The following PRKD3 variants were observed in gnomAD, a reference collection of about 807,000 sequenced individuals.
PRKD3 encodes the protein protein kinase D3, also known as serine/threonine-protein kinase D3.
A neutral mutation model predicts 99.2 loss-of-function variants in PRKD3; 47 were observed. The ratio of observed to expected loss-of-function variants is 0.47; its 90% CI spans 0.38 to 0.60. The LOEUF (loss-of-function observed/expected upper bound fraction) is 0.60, where lower values mean the gene tolerates loss of function less well. Ranked by LOEUF, PRKD3 falls within the 20% of genes least tolerant of loss-of-function variation. PRKD3 has a pLI of 0.00. For synonymous variants in PRKD3, 392 were observed against 355.4 expected, an observed-to-expected ratio of 1.10 and a Z score of -1.16; for missense variants, 1,019 against 1,088.4, an observed-to-expected ratio of 0.94 and a Z score of 0.90.
intron 2 of PRKD3, 25 bp from the exon 3 acceptor site, chr2:37,293,296 G>T (rs974164834): frequency 2.0e-6 from 3 of 1,523,952 alleles, no homozygotes; most frequent in Non-Finnish European, 2.7e-6. Context: ...TCCTATATCA[G>T]TATGACCACA....
rs535113477 is a variant in PRKD3 at position 37,258,104 on chromosome 2, C to T, written c.2146-1175G>A. Among the ~76,000 whole-genome samples the T allele has an allele frequency of 4.6e-5, 7 of 152,256 alleles. No individual in the cohort carries two copies. The South Asian group carries it at 1.5e-3, about 32-fold the overall frequency. On this transcript the variant is annotated intron_variant, in intron 16 of 18. Coordinates refer to ENST00000234179, the MANE Select transcript of PRKD3 (RefSeq NM_005813.6). Reference sequence around the variant, plus strand: ...TGCCAGGTACTTTCTGGAGGAAATGCTCTGACTTAAAAAATGTCTTTAGCA... The same window carrying T: ...TGCCAGGTACTTTCTGGAGGAAATGTTCTGACTTAAAAAATGTCTTTAGCA...
chr2:37,316,330 T>C lies in PRKD3; in HGVS notation c.195A>G (p.Gln65=), dbSNP rs1671654003. 1.2e-6 allele frequency: 2 copies of C among 1,614,218 alleles called. No homozygotes were observed. Among genetic ancestry groups the C allele is most frequent in the Non-Finnish European group, 1.7e-6 (2 of 1,180,034 alleles). ...GSVHTVSFLL[Q]IGLTRESVTI... is the part of the protein sequence containing the mutation. Reference sequence around the variant, plus strand: ...TAACACTCTCCCGTGTGAGGCCAATTTGCAGTAGAAATGAAACTGTATGCA... The same window carrying C: ...TAACACTCTCCCGTGTGAGGCCAATCTGCAGTAGAAATGAAACTGTATGCA... Residue 65 remains glutamine (Q), a synonymous_variant, in exon 2 of 19, where the codon CAA becomes CAG. Transcript: ENST00000234179.
At chr2:37,320,168 A>T (rs1410108621) in intron 1 of PRKD3, among the ~76,000 whole-genome samples, 1 of 152,210 alleles carries the variant, frequency 6.6e-6, no homozygotes, top group Non-Finnish European at 1.5e-5. Flanking sequence ...AGAAACAAGA[A>T]TTTTAGAGAA....
At chr2:37,284,830 T>C (rs752997800) in intron 6 of PRKD3, among the ~76,000 whole-genome samples, 20 of 152,166 alleles carry the variant, frequency 1.3e-4, no homozygotes, top group Non-Finnish European at 2.2e-4. Context: ...TTAGGGTACA[T>C]GTGCACAACG....
intron 2 of PRKD3, among the ~76,000 whole-genome samples, chr2:37,293,672 T>C (rs570753939): frequency 7.2e-5 from 11 of 152,354 alleles, no homozygotes; most frequent in African/African-American, 2.6e-4. Context: ...CTCAGAATTA[T>C]AAATGCTCAC....
At position 37,287,262 on chromosome 2, in the gene PRKD3, AAAAAAGAAAAAG is replaced by A. The variant is rs1350375679; in HGVS notation, c.718-905_718-894del. ...AAAAAAAAAAAAAAAAAAAAAAAAA[AAAAAAGAAAAAG>A]AAAAAGAAAAAGAAAAATACCTGCC... On this transcript the variant is annotated intron_variant, in intron 5 of 18. Coordinates refer to ENST00000234179, the MANE Select transcript of PRKD3 (RefSeq NM_005813.6). 5.8e-3 allele frequency among the ~76,000 whole-genome samples: 463 copies of A among 80,376 alleles called. 15 individuals carry two copies. The highest frequency in any genetic ancestry group is 0.023 in the African/African-American group (435 of 18,702). 52.7% of individuals were successfully genotyped at this position (80,376 alleles called of 152,430 possible).
chr2:37,324,330 G>C (rs891109273), intron 1 of PRKD3: 8 of 573,504 alleles, frequency 1.4e-5, no homozygotes, highest in Non-Finnish European at 1.8e-5. Flanking sequence ...GCCTCCGATG[G>C]GCCGGGCGCG....
intron 2 of PRKD3, among the ~76,000 whole-genome samples, chr2:37,308,585 G>A (rs1671272606): frequency 7.1e-6 from 1 of 141,396 alleles, no homozygotes; most frequent in Non-Finnish European, 1.5e-5. Flanking sequence ...CTCCCGAGTA[G>A]TTGGGATTAT....
chr2:37,316,668 T>G lies in PRKD3; in HGVS notation c.-144A>C, dbSNP rs1671677001. On this transcript the variant is annotated 5_prime_UTR_variant, in exon 2 of 19. It removes an upstream start codon present in the reference 5' UTR. Transcript: ENST00000234179. The stretch of plus-strand genomic sequence containing the variant: ...TTTATTTCCTCTGTTAAGCCACTCA[T>G]GCCGATACTTTTAAGTTTTATCAAG... The G allele has an allele frequency of 1.3e-5, 19 of 1,442,090 alleles. No homozygotes were observed. The highest frequency in any genetic ancestry group is 1.7e-5 in the Non-Finnish European group (19 of 1,105,256). The allele number at this position is 1,442,090 out of a possible 1,614,324, so 89.3% of individuals were successfully genotyped here. A position where few individuals can be genotyped will look rare whatever the true frequency, so the allele number is the denominator to read the frequency against.
intron 2 of PRKD3, among the ~76,000 whole-genome samples, chr2:37,294,749 G>GT (rs1670599996): frequency 6.6e-6 from 1 of 152,250 alleles, no homozygotes; most frequent in African/African-American, 2.4e-5. Flanking sequence ...ACAAAAATTT[G>GT]TAAGGACAAA....
At chr2:37,304,848 AT>A (rs1179963461) in intron 2 of PRKD3, among the ~76,000 whole-genome samples, 1 of 151,046 alleles carries the variant, frequency 6.6e-6, no homozygotes, top group Non-Finnish European at 1.5e-5. Flanking sequence ...TTTCATTCTC[AT>A]TTTTTCTTGT....
Position 37,275,756 on chromosome 2 carries a change from A to G in PRKD3, c.1374+11T>C. 1 of 1,592,456 alleles carries G rather than the reference A, an allele frequency of 6.3e-7. No individual in the cohort carries two copies. Among genetic ancestry groups the G allele is most frequent in the South Asian group, 1.2e-5 (1 of 85,568 alleles). ...TTAATGCTTATATTTTTTAAAGTGTAAAATCCTTACCTTATAATACTTTGA... is the reference window on the plus strand; with the variant it reads ...TTAATGCTTATATTTTTTAAAGTGTGAAATCCTTACCTTATAATACTTTGA... On this transcript the variant is annotated intron_variant, in intron 10 of 18. Transcript: ENST00000234179.
chr2:37,294,401 A>C (rs972375516), intron 2 of PRKD3, among the ~76,000 whole-genome samples: 5 of 152,152 alleles, frequency 3.3e-5, no homozygotes, highest in Non-Finnish European at 7.4e-5. Flanking sequence ...TGGCCTCTCA[A>C]ATCTTTTTTT....
In PRKD3 at chr2:37,286,235, T is replaced by C. The variant is rs1273253139; in HGVS notation, c.852A>G (p.Ile284Met). 2 of 1,614,146 alleles carry C rather than the reference T, an allele frequency of 1.2e-6. No individual in the cohort carries two copies. The highest frequency in any genetic ancestry group is 1.7e-6 in the Non-Finnish European group (2 of 1,179,994). The change falls in exon 6 of 19, where the codon ATA (isoleucine) becomes ATG (methionine). Residue 284 changes from isoleucine (I) to methionine (M), a missense_variant. Physicochemically the swap from Ile to Met is conservative, Grantham distance 10. Around this residue, in one of 3 missense-constraint regions of PRKD3, gnomAD observed 710 missense variants for 692.7 expected, o/e 1.02. Coordinates refer to ENST00000234179, the MANE Select transcript of PRKD3 (RefSeq NM_005813.6). ...TCAGTAACCGCTTGCAGTACTGACATATCGTGGGACGGGTGTAAGAGTGAA... is the reference window on the plus strand; with the variant it reads ...TCAGTAACCGCTTGCAGTACTGACACATCGTGGGACGGGTGTAAGAGTGAA... The part of the protein sequence containing the change: ...FAVHSYTRPT[I>M]CQYCKRLLKG...
At chr2:37,314,059 G>A (rs1226187326) in intron 2 of PRKD3, among the ~76,000 whole-genome samples, 1 of 152,096 alleles carries the variant, frequency 6.6e-6, no homozygotes, top group Non-Finnish European at 1.5e-5. Context: ...AAACTGAAAG[G>A]AGAAAGACAA....
At chr2:37,289,208 T>C (rs903330494) in intron 5 of PRKD3, 148 bp downstream of exon 5, 2 of 948,272 alleles carry the variant, frequency 2.1e-6, no homozygotes, top group East Asian at 2.7e-5. Context: ...CGGTAAGTCC[T>C]GTCTCCATTA....
intron 2 of PRKD3, among the ~76,000 whole-genome samples, chr2:37,302,224 T>C (rs1044972356): frequency 6.6e-6 from 1 of 152,198 alleles, no homozygotes; most frequent in Non-Finnish European, 1.5e-5. Context: ...TAATTTGGCC[T>C]CTTTCCAACT....
intron 2 of PRKD3, among the ~76,000 whole-genome samples, chr2:37,294,864 C>G (rs1670604854): frequency 6.6e-6 from 1 of 152,152 alleles, no homozygotes; most frequent in African/African-American, 2.4e-5. Flanking sequence ...CATTTGAGGT[C>G]AGGAGTTTGA....
At chr2:37,261,375 T>G (rs1317278960) in intron 14 of PRKD3, among the ~76,000 whole-genome samples, 1 of 152,164 alleles carries the variant, frequency 6.6e-6, no homozygotes, top group Non-Finnish European at 1.5e-5. Flanking sequence ...TAAACCCAGC[T>G]ACTCGGGAGG....
Sources: gnomAD v4.1 joint callset for allele counts (sites outside exome capture counted in the v4.1 genomes callset) on GRCh38, gnomAD v4.1.1 for gene constraint, gnomAD v4.1.1 regional missense constraint, MANE v1.5 for transcripts, NCBI Gene and HGNC (gene_info 2026-07-23, HGNC 2026-07-21) for gene names.